MYH9: variants seen among roughly 807,000 people sequenced by gnomAD.
The protein encoded by MYH9 is myosin heavy chain 9, also known as myosin-9.
Under a neutral mutation model 241.9 loss-of-function variants are expected in MYH9, and 29 were observed. That is an observed-to-expected ratio of 0.12 (90% CI 0.09 to 0.16). The LOEUF is 0.16. Ranked by LOEUF, MYH9 falls within the 10% of genes least tolerant of loss-of-function variation. The probability of loss-of-function intolerance (pLI) is 1.00; values close to 1 mark genes in which losing one functional copy is unlikely to be tolerated. For missense variants in MYH9, 1,803 were observed against 2,595.5 expected (o/e 0.69, Z 6.63); for synonymous variants, 1,047 against 1,062.6 (o/e 0.99, Z 0.29).
At chr22:36,319,407 T>C in intron 10 of MYH9, 133 bp downstream of exon 10, 2 of 855,142 alleles carry the variant, frequency 2.3e-6, no homozygotes, top group Non-Finnish European at 3.9e-6. Context: ...GTTTTACATC[T>C]GTATAGAAAA....
chr22:36,284,996 G>T, intron 38 of MYH9, 125 bp downstream of exon 38: 1 of 893,308 alleles, frequency 1.1e-6, no homozygotes, highest in Non-Finnish European at 1.7e-6. Context: ...CCCATCAGGA[G>T]GGAGGGAAAC....
rs539865185 is a variant in MYH9, at chr22:36,299,984, T to C, written c.2976+143A>G. 2.7e-3 allele frequency: 3,290 copies of C among 1,200,916 alleles called. 11 individuals carry two copies. The highest frequency in any genetic ancestry group is 8.6e-3 in the Middle Eastern group (34 of 3,962). 74.4% of individuals were successfully genotyped at this position (1,200,916 alleles called of 1,614,324 possible). A position where few individuals can be genotyped will look rare whatever the true frequency, so the allele number is the denominator to read the frequency against. On this transcript the variant is annotated intron_variant, in intron 23 of 40. Transcript: ENST00000216181. The stretch of plus-strand genomic sequence containing the variant: ...GGCCCATGGGACCTCCAGGGAGCAC[T>C]TGCAGTTAAGCAGAAGCCCTCATGC...
intron 1 of MYH9, among the ~76,000 whole-genome samples, chr22:36,363,921 G>A (rs1352918555): frequency 6.6e-6 from 1 of 152,226 alleles, no homozygotes; most frequent in Non-Finnish European, 1.5e-5. Context: ...GATTCCTGCA[G>A]CAAAGTTATT....
chr22:36,322,656 C>T (rs532333773), intron 5 of MYH9, 135 bp from the exon 6 acceptor site: 2 of 831,718 alleles, frequency 2.4e-6, no homozygotes, highest in East Asian at 2.7e-5. Flanking sequence ...TCCGGGTGGG[C>T]TCCAGTGTGC....
chr22:36,321,538 A>T (rs933888484), intron 7 of MYH9, among the ~76,000 whole-genome samples: 1 of 152,216 alleles, frequency 6.6e-6, no homozygotes, highest in Admixed American at 6.5e-5. Context: ...GCTCCATGCC[A>T]TTCAAAGCAC....
rs1297741127 is a variant in MYH9 at position 36,295,179 on chromosome 22, A to G, written c.3486-103T>C. On this transcript the variant is annotated intron_variant, in intron 26 of 40. Transcript: ENST00000216181. The surrounding 1 kb of genome is among the most constrained non-coding windows in gnomAD (Gnocchi z 4.1). Reference sequence around the variant, plus strand: ...AGAGAGGCCTGGCCAGGGCACAGGCACTCCAGGCAGCTTTTCTACCCACCG... The same window carrying G: ...AGAGAGGCCTGGCCAGGGCACAGGCGCTCCAGGCAGCTTTTCTACCCACCG... 6.6e-6 allele frequency: 10 copies of G among 1,519,462 alleles called. No homozygotes were observed. The highest frequency in any genetic ancestry group is 8.2e-6 in the Non-Finnish European group (9 of 1,101,264). 94.1% of individuals were successfully genotyped at this position (1,519,462 alleles called of 1,614,324 possible). A position where few individuals can be genotyped will look rare whatever the true frequency, so the allele number is the denominator to read the frequency against.
At chr22:36,321,645 A>G in intron 7 of MYH9, 113 bp downstream of exon 7, 1 of 984,726 alleles carries the variant, frequency 1.0e-6, no homozygotes, top group South Asian at 1.3e-5. Context: ...AGAAGGTGTC[A>G]GGATGGGCCC....
intron 14 of MYH9, 48 bp downstream of exon 14, chr22:36,312,001 C>G (rs1230977681): frequency 6.2e-7 from 1 of 1,602,202 alleles, no homozygotes; most frequent in African/African-American, 1.3e-5. Context: ...CTCGACTCCA[C>G]CTCTCCTGTG....
chr22:36,295,868 T>A lies in MYH9; in HGVS notation c.3273-151A>T. ...AGGATGGCTCTCAGCAGAAACAACATCTGAGACAACCAGATTGAAGGGCAA... is the reference window on the plus strand; with the variant it reads ...AGGATGGCTCTCAGCAGAAACAACAACTGAGACAACCAGATTGAAGGGCAA... On this transcript the variant is annotated intron_variant, in intron 25 of 40. Coordinates refer to ENST00000216181, the MANE Select transcript of MYH9 (RefSeq NM_002473.6). The surrounding 1 kb of genome is among the most constrained non-coding windows in gnomAD (Gnocchi z 4.1). The A allele has an allele frequency of 1.4e-6, 1 of 732,016 alleles. No homozygotes were observed. The highest frequency in any genetic ancestry group is 2.4e-6 in the Non-Finnish European group (1 of 418,008). 45.3% of individuals were successfully genotyped at this position (732,016 alleles called of 1,614,324 possible). A position where few individuals can be genotyped will look rare whatever the true frequency, so the allele number is the denominator to read the frequency against.
At chr22:36,383,852 C>T (rs1246798553) in intron 1 of MYH9, among the ~76,000 whole-genome samples, 2 of 151,258 alleles carry the variant, frequency 1.3e-5, no homozygotes, top group African/African-American at 4.9e-5. Flanking sequence ...CCCAGCTATT[C>T]GGGAGGTTGA....
Position 36,284,262 on chromosome 22 carries a change from C to T in MYH9, c.5596G>A (p.Asp1866Asn), listed in dbSNP as rs371765378. 1.6e-5 allele frequency: 25 copies of T among 1,609,664 alleles called. No homozygotes were observed. Among genetic ancestry groups the T allele is most frequent in the African/African-American group, 4.0e-5 (3 of 74,924 alleles). ...RNAEQYKDQA[D>N]KASTRLKQLK... ...TGCTTCAGGCGGGTAGATGCCTTGTCGGCCTGCGGAGATGGACGTGTGGCC... is the reference window on the plus strand; with the variant it reads ...TGCTTCAGGCGGGTAGATGCCTTGTTGGCCTGCGGAGATGGACGTGTGGCC... The change falls in exon 40 of 41, where the codon GAC becomes AAC. Residue 1866 changes from aspartate (D) to asparagine (N), a missense_variant. Physicochemically the swap from Asp to Asn is conservative, Grantham distance 23 (BLOSUM62 1). Transcript: ENST00000216181.
At chr22:36,333,579 T>A (rs1248956906) in intron 3 of MYH9, among the ~76,000 whole-genome samples, 1 of 152,238 alleles carries the variant, frequency 6.6e-6, no homozygotes, top group African/African-American at 2.4e-5. Flanking sequence ...ACAGCCTTGG[T>A]CAAGACTAAA....
chr22:36,306,271 C>A lies in MYH9; in HGVS notation c.2037+143G>T. 2 of 1,297,050 alleles carry A rather than the reference C, an allele frequency of 1.5e-6. No homozygotes were observed. Among genetic ancestry groups the A allele is most frequent in the South Asian group, 1.3e-5 (1 of 79,538 alleles). 80.3% of individuals were successfully genotyped at this position (1,297,050 alleles called of 1,614,324 possible). ...GAATGTAGCGTATCTCCTAAGCGAG[C>A]CAAGGCCCACCCTGCAGAGAAACGA... On this transcript the variant is annotated intron_variant, in intron 16 of 40. Coordinates refer to ENST00000216181, the MANE Select transcript of MYH9 (RefSeq NM_002473.6). This position sits in a 1 kb window ranked among gnomAD's most constrained non-coding sequence, Gnocchi z 4.1.
In MYH9 at chr22:36,288,529, C is replaced by T; in HGVS notation, c.4771-116G>A. Reference sequence around the variant, plus strand: ...CAGGATCCATGGGGCCTCGGGAAACCAGTGGGGATTACTGACCATAAGAAC... The same window carrying T: ...CAGGATCCATGGGGCCTCGGGAAACTAGTGGGGATTACTGACCATAAGAAC... On this transcript the variant is annotated intron_variant, in intron 33 of 40. Coordinates refer to ENST00000216181, the MANE Select transcript of MYH9 (RefSeq NM_002473.6). The surrounding 1 kb of genome is among the most constrained non-coding windows in gnomAD (Gnocchi z 4.8). 1 of 1,429,744 alleles carries T rather than the reference C, an allele frequency of 7.0e-7. No individual in the cohort carries two copies. Among genetic ancestry groups the T allele is most frequent in the Non-Finnish European group, 9.7e-7 (1 of 1,029,666 alleles). The allele number at this position is 1,429,744 out of a possible 1,614,324, so 88.6% of individuals were successfully genotyped here.
chr22:36,336,591 C>T (rs1467275141), intron 3 of MYH9, among the ~76,000 whole-genome samples: 1 of 152,248 alleles, frequency 6.6e-6, no homozygotes, highest in Non-Finnish European at 1.5e-5. Context: ...GACCCAGGAA[C>T]GGCCATGACA....
intron 39 of MYH9, 56 bp downstream of exon 39, chr22:36,284,347 A>G: frequency 9.3e-6 from 15 of 1,605,974 alleles, no homozygotes; most frequent in Non-Finnish European, 1.3e-5. Flanking sequence ...CCTGCCTGTC[A>G]CCCCATCTGC....
At chr22:36,337,098 A>C (rs1488606146) in intron 3 of MYH9, among the ~76,000 whole-genome samples, 3 of 151,494 alleles carry the variant, frequency 2.0e-5, no homozygotes, top group Non-Finnish European at 4.4e-5. Flanking sequence ...CGGAGATGAC[A>C]CTCAAAGTAA....
At position 36,306,991 on chromosome 22, in the gene MYH9, C is replaced by T. The variant is rs1172995437; in HGVS notation, c.1844-384G>A. Among the ~76,000 whole-genome samples, 3 of 151,920 alleles carry T rather than the reference C, an allele frequency of 2.0e-5. No homozygotes were observed. Among genetic ancestry groups the T allele is most frequent in the Admixed American group, 6.6e-5 (1 of 15,242 alleles). On this transcript the variant is annotated intron_variant, in intron 15 of 40. Coordinates refer to ENST00000216181, the MANE Select transcript of MYH9 (RefSeq NM_002473.6). The surrounding 1 kb of genome is among the most constrained non-coding windows in gnomAD (Gnocchi z 4.1). The stretch of plus-strand genomic sequence containing the variant: ...ACGAGGGGTGTGAAAACCTGGCTTA[C>T]GGAATCCTGCTGTCCTATGGTCACA...
In MYH9 at chr22:36,306,107, A is replaced by C; in HGVS notation, c.2038-56T>G. 2.5e-6 allele frequency: 4 copies of C among 1,608,146 alleles called. No homozygotes were observed. The highest frequency in any genetic ancestry group is 2.5e-6 in the Non-Finnish European group (3 of 1,179,820). ...ACTTCCGTGCCTAGAACAGTCGGAG[A>C]ATAGTCAGGGAACCCCTATGAACCT... is the stretch of plus-strand genomic sequence containing the variant. On this transcript the variant is annotated intron_variant, in intron 16 of 40. Transcript: ENST00000216181. The surrounding 1 kb of genome is among the most constrained non-coding windows in gnomAD (Gnocchi z 4.1).
Sources: gnomAD v4.1 joint callset for allele counts (sites outside exome capture counted in the v4.1 genomes callset) on GRCh38, gnomAD v4.1.1 for gene constraint, Gnocchi (gnomAD v3.1) non-coding constraint, MANE v1.5 for transcripts, NCBI Gene and HGNC (gene_info 2026-07-23, HGNC 2026-07-21) for gene names.